The following TGM3 variants were observed in gnomAD, a reference collection of about 807,000 sequenced individuals.
The protein encoded by TGM3 is protein-glutamine gamma-glutamyltransferase E.
TGM3 carries 52 observed loss-of-function variants against 73.8 expected under a neutral mutation model. That is an observed-to-expected ratio of 0.70 (90% confidence interval 0.56 to 0.89). TGM3 has a LOEUF of 0.89. TGM3 is among the 40% of genes least tolerant of loss of function. The pLI is 0.00. For synonymous variants in TGM3, 372 were observed against 354.9 expected (o/e 1.05, Z -0.54); for missense variants, 928 against 909.9 (o/e 1.02, Z -0.26).
Position 2,340,555 on chromosome 20 carries a change from A to C in TGM3, c.2056A>C (p.Met686Leu). Residue 686 changes from methionine (M) to leucine (L), a missense_variant, in exon 13 of 13, where the codon ATG (methionine) becomes CTG (leucine). Coordinates refer to ENST00000381458, the MANE Select transcript of TGM3 (RefSeq NM_003245.4). ...CAACAAGTTCCCTGCAATCAAGGCC[A>C]TGTTGTCCATCGATGTAGCCGAATG... ...SCNKFPAIKA[M>L]LSIDVAE 8 of 1,614,132 alleles carry C rather than the reference A, an allele frequency of 5.0e-6. No homozygotes were observed. The highest frequency in any genetic ancestry group is 6.8e-6 in the Non-Finnish European group (8 of 1,180,010).
intron 7 of TGM3, among the ~76,000 whole-genome samples, chr20:2,324,817 A>C (rs1405436134): frequency 6.6e-6 from 1 of 152,132 alleles, no homozygotes; most frequent in Admixed American, 6.5e-5. Flanking sequence ...AGCTTCCTCT[A>C]CGTTCTGATT....
At chr20:2,306,235 T>A (rs752731146) in intron 1 of TGM3, among the ~76,000 whole-genome samples, 4 of 152,150 alleles carry the variant, frequency 2.6e-5, no homozygotes, top group African/African-American at 4.8e-5. Context: ...CTTACCACTG[T>A]GCTGGACAAA....
intron 8 of TGM3, 132 bp downstream of exon 8, chr20:2,326,084 A>G (rs1023307162): frequency 1.8e-5 from 16 of 891,304 alleles, no homozygotes; most frequent in Non-Finnish European, 2.8e-5. Context: ...AAAATAGTTT[A>G]AAAATAGATC....
Position 2,317,255 on chromosome 20 carries a change from G to A in TGM3, c.847+10G>A. On this transcript the variant is annotated intron_variant, in intron 6 of 12. Transcript: ENST00000381458. ...GGGACCCTCAACACAGGTACCTTGG[G>A]TGTGGTGTGCCTTGGCTGGGTCAGT... 1 of 1,614,012 alleles carries A rather than the reference G, an allele frequency of 6.2e-7. No individual in the cohort carries two copies. Among genetic ancestry groups the A allele is most frequent in the South Asian group, 1.1e-5 (1 of 91,078 alleles).
At chr20:2,302,430 CA>C (rs2084153369) in intron 1 of TGM3, among the ~76,000 whole-genome samples, 1 of 151,684 alleles carries the variant, frequency 6.6e-6, no homozygotes, top group African/African-American at 2.4e-5. Context: ...TGAACCCCCC[CA>C]AAAAACAATA....
chr20:2,325,349 C>T (rs1293452597), intron 7 of TGM3, among the ~76,000 whole-genome samples: 1 of 152,122 alleles, frequency 6.6e-6, no homozygotes, highest in African/African-American at 2.4e-5. Flanking sequence ...TTCTTCAGTT[C>T]AGATCCCAGC....
chr20:2,312,864 C>A (rs968207293), intron 4 of TGM3, 34 bp from the exon 5 acceptor site: 7 of 1,611,968 alleles, frequency 4.3e-6, no homozygotes, highest in South Asian at 1.1e-5. Context: ...CTTGTCATTT[C>A]TTTAATTGTA....
chr20:2,310,447 C>A, intron 3 of TGM3, 30 bp downstream of exon 3: 1 of 1,610,456 alleles, frequency 6.2e-7, no homozygotes, highest in Non-Finnish European at 8.5e-7. Flanking sequence ...CACTCTCAGC[C>A]CTGGCCTAAG....
At chr20:2,296,391 C>G (rs1290575125) in intron 1 of TGM3, among the ~76,000 whole-genome samples, 1 of 152,078 alleles carries the variant, frequency 6.6e-6, no homozygotes, top group African/African-American at 2.4e-5. Context: ...TTTACACATC[C>G]GTCGCCACCC....
intron 1 of TGM3, among the ~76,000 whole-genome samples, chr20:2,303,858 T>A (rs2084164486): frequency 6.6e-6 from 1 of 152,024 alleles, no homozygotes; most frequent in South Asian, 2.1e-4. Flanking sequence ...CTCAGGGAGG[T>A]GGCACGGAAT....
chr20:2,298,297 A>C (rs564247833), intron 1 of TGM3, among the ~76,000 whole-genome samples: 1 of 152,258 alleles, frequency 6.6e-6, no homozygotes, highest in East Asian at 1.9e-4. Flanking sequence ...AGTGATCCGC[A>C]CCAAGTGGCC....
chr20:2,310,458 C>G, intron 3 of TGM3, 41 bp downstream of exon 3: 1 of 1,598,752 alleles, frequency 6.3e-7, no homozygotes, highest in Non-Finnish European at 8.5e-7. Flanking sequence ...CTGGCCTAAG[C>G]TAGAAAAGAA....
chr20:2,332,388 G>T lies in TGM3; in HGVS notation c.1642+78G>T. On this transcript the variant is annotated intron_variant, in intron 10 of 12. Coordinates refer to ENST00000381458, the MANE Select transcript of TGM3 (RefSeq NM_003245.4). The surrounding 1 kb of genome is among the most constrained non-coding windows in gnomAD (Gnocchi z 4.4). ...CTTCTGGGGCTGCAGGGTGTCTGCTGGGCTCCAGGTTAGTCAGCTACGAAT... is the reference window on the plus strand; with the variant it reads ...CTTCTGGGGCTGCAGGGTGTCTGCTTGGCTCCAGGTTAGTCAGCTACGAAT... 1 of 1,397,496 alleles carries T rather than the reference G, an allele frequency of 7.2e-7. No individual in the cohort carries two copies. Among genetic ancestry groups the T allele is most frequent in the East Asian group, 2.5e-5 (1 of 40,430 alleles). The allele number at this position is 1,397,496 out of a possible 1,614,324, so 86.6% of individuals were successfully genotyped here. A position where few individuals can be genotyped will look rare whatever the true frequency, so the allele number is the denominator to read the frequency against.
chr20:2,311,786 T>C (rs747644237), intron 4 of TGM3, among the ~76,000 whole-genome samples: 1 of 152,066 alleles, frequency 6.6e-6, no homozygotes, highest in Non-Finnish European at 1.5e-5. Context: ...AAGAGAAGGA[T>C]AGGACATAGA....
Position 2,328,708 on chromosome 20 carries a change from C to T in TGM3, c.1333+343C>T. Among the ~76,000 whole-genome samples the T allele has an allele frequency of 6.6e-6, 1 of 152,228 alleles. No individual in the cohort carries two copies. The highest frequency in any genetic ancestry group is 2.1e-4 in the South Asian group (1 of 4,834). The stretch of plus-strand genomic sequence containing the variant: ...GAGACATGGCCCCCATGAAAGGCCC[C>T]CAAGGGCTTTGGGAGAGATTTCTCC... On this transcript the variant is annotated intron_variant, in intron 9 of 12. Coordinates refer to ENST00000381458, the MANE Select transcript of TGM3 (RefSeq NM_003245.4). This position sits in a 1 kb window ranked among gnomAD's most constrained non-coding sequence, Gnocchi z 5.2.
intron 9 of TGM3, among the ~76,000 whole-genome samples, chr20:2,330,575 A>G (rs2084314775): frequency 6.6e-6 from 1 of 152,376 alleles, no homozygotes. Flanking sequence ...GGCCCAGTCC[A>G]TCTCAGAGTG....
chr20:2,312,790 A>G (rs2084213832), intron 4 of TGM3, 108 bp from the exon 5 acceptor site: 1 of 1,478,548 alleles, frequency 6.8e-7, no homozygotes, highest in African/African-American at 1.4e-5. Context: ...GAGGCCACAG[A>G]GTCAAAGGAT....
At chr20:2,307,531 T>C (rs530254047) in intron 1 of TGM3, among the ~76,000 whole-genome samples, 1 of 152,300 alleles carries the variant, frequency 6.6e-6, no homozygotes, top group African/African-American at 2.4e-5. Context: ...ATTTTCAGTG[T>C]AGCTTTTCCT....
chr20:2,340,046 C>T, intron 12 of TGM3, 59 bp downstream of exon 12: 1 of 1,490,920 alleles, frequency 6.7e-7, no homozygotes. Flanking sequence ...GGGGGCCCTC[C>T]AGATCCCCTG....
Sources: allele counts gnomAD v4.1 joint callset (sites outside exome capture counted in the v4.1 genomes callset), GRCh38; gene constraint gnomAD v4.1.1; non-coding constraint Gnocchi (gnomAD v3.1); transcripts MANE v1.5; gene names NCBI Gene and HGNC (gene_info 2026-07-23, HGNC 2026-07-21).